SMCO2: variants seen among roughly 807,000 people sequenced by gnomAD.
SMCO2 encodes the protein single-pass membrane and coiled-coil domain-containing protein 2.
In SMCO2, 25 loss-of-function variants were observed where a neutral mutation model predicts 29.5. The observed-to-expected ratio is 0.85, with a 90% confidence interval of 0.62 to 1.18. The LOEUF (loss-of-function observed/expected upper bound fraction) is 1.18. Ranked by LOEUF, SMCO2 falls within the 50% of genes most tolerant of loss-of-function variation. The probability of loss-of-function intolerance (pLI) is 0.00; values close to 1 mark genes in which losing one functional copy is unlikely to be tolerated. For synonymous variants in SMCO2, 117 were observed against 123.3 expected (o/e 0.95, Z 0.34); for missense variants, 348 against 344.5 (o/e 1.01, Z -0.08).
the SMCO2 span, among the ~76,000 whole-genome samples, chr12:27,459,403 C>A: frequency 6.6e-6 from 1 of 152,016 alleles, no homozygotes; most frequent in Admixed American, 6.6e-5. Flanking sequence ...TTCTCACTTA[C>A]AAGTGGGAGC....
chr12:27,494,502 A>G (rs972242197), intron 6 of SMCO2, 146 bp downstream of exon 7: 1 of 204,984 alleles, frequency 4.9e-6, no homozygotes, highest in East Asian at 1.2e-4. Context: ...TATTATTATT[A>G]TTATTATTAT....
intron 7 of SMCO2, among the ~76,000 whole-genome samples, chr12:27,500,031 G>C (rs1401202478): frequency 6.6e-6 from 1 of 150,416 alleles, no homozygotes; most frequent in Admixed American, 6.6e-5. Flanking sequence ...GTATTCAAAA[G>C]TTAAAAGAAT....
chr12:27,473,672 G>A (rs1949560299), intron 3 of SMCO2, among the ~76,000 whole-genome samples: 1 of 152,158 alleles, frequency 6.6e-6, no homozygotes, highest in South Asian at 2.1e-4. Flanking sequence ...AATTTGTAAA[G>A]AGTTACATGA....
the SMCO2 span, among the ~76,000 whole-genome samples, chr12:27,450,501 T>C: frequency 6.6e-6 from 1 of 152,216 alleles, no homozygotes; most frequent in African/African-American, 2.4e-5. Context: ...GTGCAAACAG[T>C]GTGCTGAAGA....
chr12:27,453,603 C>A, the SMCO2 span, among the ~76,000 whole-genome samples: 1 of 152,186 alleles, frequency 6.6e-6, no homozygotes, highest in Non-Finnish European at 1.5e-5. Flanking sequence ...TGAAAGGAGA[C>A]AGAATGTTGG....
intron 4 of SMCO2, among the ~76,000 whole-genome samples, chr12:27,475,253 T>TAG (rs2135550066): frequency 6.6e-6 from 1 of 152,358 alleles, no homozygotes; most frequent in Admixed American, 6.5e-5. Flanking sequence ...CTCTTTTCCC[T>TAG]ATTGTATACC....
intron 5 of SMCO2, among the ~76,000 whole-genome samples, 183 bp downstream of exon 6, chr12:27,488,730 A>G (rs1949710301): frequency 6.6e-6 from 1 of 152,132 alleles, no homozygotes; most frequent in Non-Finnish European, 1.5e-5. Context: ...GACACAAAAA[A>G]CCTAGACTTT....
chr12:27,495,622 G>C (rs764075194), intron 6 of SMCO2, 58 bp from the exon 8 acceptor site: 11 of 1,390,106 alleles, frequency 7.9e-6, no homozygotes, highest in African/African-American at 1.5e-5. Context: ...ATTATCTATA[G>C]TAAGACTTGG....
chr12:27,467,391 G>A (rs1592202088), intron 1 of SMCO2, among the ~76,000 whole-genome samples: 1 of 151,642 alleles, frequency 6.6e-6, no homozygotes, highest in Non-Finnish European at 1.5e-5. Context: ...TAGAGTATGA[G>A]TAACTCCCAA....
chr12:27,449,080 G>A, the SMCO2 span, among the ~76,000 whole-genome samples: 1 of 152,066 alleles, frequency 6.6e-6, no homozygotes, highest in Non-Finnish European at 1.5e-5. Context: ...GCTTTGTGTG[G>A]GTCTGAAAAC....
intron 5 of SMCO2, among the ~76,000 whole-genome samples, chr12:27,489,296 A>G (rs387235): frequency 0.21 from 32,570 of 151,984 alleles, 6,441 homozygotes; most frequent in African/African-American, 0.51. Flanking sequence ...GAATCTGCCC[A>G]CCTCAGCCTC....
intron 5 of SMCO2, among the ~76,000 whole-genome samples, chr12:27,490,108 T>C (rs976065647): frequency 1.3e-5 from 2 of 152,148 alleles, no homozygotes; most frequent in African/African-American, 2.4e-5. Flanking sequence ...TAGAAACAAT[T>C]CAAATATCTG....
intron 5 of SMCO2, among the ~76,000 whole-genome samples, chr12:27,489,268 C>T (rs778591217): frequency 6.6e-6 from 1 of 152,108 alleles, no homozygotes; most frequent in Non-Finnish European, 1.5e-5. Flanking sequence ...AGGCTGATCT[C>T]GAACTCCTGG....
In SMCO2 at chr12:27,501,343, G is replaced by T. The variant is rs192797; in HGVS notation, c.684-580G>T. On this transcript the variant is annotated intron_variant, in intron 7 of 7. Coordinates refer to ENST00000298876, the Ensembl canonical transcript of SMCO2. ...AGGCAGGAGAATGACATGAACCCAAGAGGCAGAGCTTGCAGTGAGCCGGGA... is the reference window on the plus strand; with the variant it reads ...AGGCAGGAGAATGACATGAACCCAATAGGCAGAGCTTGCAGTGAGCCGGGA... Among the ~76,000 whole-genome samples, 4 of 137,350 alleles carry T rather than the reference G, an allele frequency of 2.9e-5. No homozygotes were observed. In the South Asian group the frequency reaches 9.6e-4, roughly 33 times the overall value. The allele number at this position is 137,350 out of a possible 152,430, so 90.1% of individuals were successfully genotyped here.
At chr12:27,486,979 C>A (rs1949694153) in intron 4 of SMCO2, among the ~76,000 whole-genome samples, 1 of 152,068 alleles carries the variant, frequency 6.6e-6, no homozygotes, top group South Asian at 2.1e-4. Flanking sequence ...ATGCAAGGAA[C>A]CCTTATTTTC....
chr12:27,466,064 A>G (rs991195393), upstream of SMCO2, among the ~76,000 whole-genome samples: 3 of 152,156 alleles, frequency 2.0e-5, no homozygotes, highest in Admixed American at 6.5e-5. Flanking sequence ...TAATAATAAG[A>G]GGAACTTCGA....
At chr12:27,445,922 A>T in the SMCO2 span, among the ~76,000 whole-genome samples, 1 of 147,106 alleles carries the variant, frequency 6.8e-6, no homozygotes, top group African/African-American at 2.5e-5. Context: ...TTTTTTTTTT[A>T]AGACAGAGTC....
the SMCO2 span, among the ~76,000 whole-genome samples, chr12:27,425,852 C>G: frequency 1.3e-5 from 2 of 152,172 alleles, no homozygotes; most frequent in Non-Finnish European, 2.9e-5. Context: ...CCCTGTCCTC[C>G]CTCAGGCCCC....
upstream of SMCO2, among the ~76,000 whole-genome samples, chr12:27,463,322 T>C (rs1264989500): frequency 1.3e-5 from 2 of 152,178 alleles, no homozygotes; most frequent in Non-Finnish European, 2.9e-5. Flanking sequence ...TGGAGTGCAG[T>C]GGCATGATCT....
Sources: gnomAD v4.1 joint callset for allele counts (sites outside exome capture counted in the v4.1 genomes callset) on GRCh38, gnomAD v4.1.1 for gene constraint, MANE v1.5 for transcripts, NCBI Gene and HGNC (gene_info 2026-07-23, HGNC 2026-07-21) for gene names.